VWF: variants seen among roughly 807,000 people sequenced by gnomAD.
VWF encodes Factor VIII related antigen.
Under a neutral mutation model 308.6 loss-of-function variants are expected in VWF, and 176 were observed. The ratio of observed to expected loss-of-function variants is 0.57; its 90% confidence interval spans 0.50 to 0.65. The LOEUF (loss-of-function observed/expected upper bound fraction) is 0.65. Among genes scored for constraint, VWF ranks in the 30% least tolerant of loss-of-function variants. The probability of loss-of-function intolerance (pLI) is 0.00; values close to 1 mark genes in which losing one functional copy is unlikely to be tolerated. For synonymous variants in VWF, 1,385 were observed against 1,443.4 expected, an observed-to-expected ratio of 0.96 and a Z score of 0.92; for missense variants, 3,146 against 3,648.2, an observed-to-expected ratio of 0.86 and a Z score of 3.55.
At position 6,052,726 on chromosome 12, in the gene VWF, GTCA is replaced by G; in HGVS notation, c.2000_2002del (p.Leu667_Thr668delinsPro). ...ATCCGGGTAAGAGAGAGAGCGGCAG[GTCA>G]GGTTGCAGGGGGTCCCGCACTGCAG... On this transcript the variant is annotated inframe_deletion, in exon 16 of 52. Coordinates refer to ENST00000261405, the MANE Select transcript of VWF (RefSeq NM_000552.5). The G allele has an allele frequency of 6.2e-7, 1 of 1,614,232 alleles. No homozygotes were observed. Among genetic ancestry groups the G allele is most frequent in the South Asian group, 1.1e-5 (1 of 91,090 alleles).
At chr12:5,985,154 A>ATTAG (rs1393366374) in intron 39 of VWF, 35 bp from the exon 40 acceptor site, 1 of 1,601,162 alleles carries the variant, frequency 6.2e-7, no homozygotes. Context: ...AGTCAGAGAA[A>ATTAG]TTAGTGGTGG....
intron 1 of VWF, among the ~76,000 whole-genome samples, chr12:6,123,523 C>T (rs1271250133): frequency 6.6e-6 from 1 of 152,178 alleles, no homozygotes; most frequent in Non-Finnish European, 1.5e-5. Context: ...CCTGAAGCAG[C>T]TGGGAGCTAA....
At chr12:5,995,288 T>C (rs1943796753) in intron 35 of VWF, among the ~76,000 whole-genome samples, 1 of 152,208 alleles carries the variant, frequency 6.6e-6, no homozygotes, top group African/African-American at 2.4e-5. Context: ...CATTCCACAA[T>C]GAATATAATT....
intron 18 of VWF, among the ~76,000 whole-genome samples, chr12:6,043,437 C>A (rs1944413724): frequency 6.6e-6 from 1 of 152,228 alleles, no homozygotes; most frequent in South Asian, 2.1e-4. Flanking sequence ...CTGGCCTCCA[C>A]AGCCTCTGCC....
intron 3 of VWF, among the ~76,000 whole-genome samples, chr12:6,120,203 T>A (rs1945414965): frequency 6.6e-6 from 1 of 152,202 alleles, no homozygotes; most frequent in Admixed American, 6.5e-5. Flanking sequence ...TGTCCAGGTG[T>A]TGCCAAAGAC....
At chr12:5,961,850 A>G (rs1164835091) in intron 47 of VWF, among the ~76,000 whole-genome samples, 3 of 151,940 alleles carry the variant, frequency 2.0e-5, no homozygotes, top group Non-Finnish European at 4.4e-5. Context: ...GTGTGTCCCT[A>G]CAAAATTCCT....
At chr12:6,039,433 C>T (rs1273497849) in intron 18 of VWF, among the ~76,000 whole-genome samples, 1 of 152,204 alleles carries the variant, frequency 6.6e-6, no homozygotes, top group Non-Finnish European at 1.5e-5. Context: ...TTTTACCTTC[C>T]AACTGCCTCT....
At chr12:6,036,056 T>C (rs1456640214) in intron 19 of VWF, among the ~76,000 whole-genome samples, 1 of 152,226 alleles carries the variant, frequency 6.6e-6, no homozygotes, top group African/African-American at 2.4e-5. Flanking sequence ...CATGTTTAGA[T>C]TTAGGTCCCA....
intron 5 of VWF, among the ~76,000 whole-genome samples, chr12:6,097,241 C>T (rs1196774100): frequency 6.6e-6 from 1 of 152,092 alleles, no homozygotes; most frequent in Non-Finnish European, 1.5e-5. Flanking sequence ...TCAAGACCAT[C>T]CTGGCCAAGA....
rs148144863 is a variant in VWF, at chr12:6,115,369, G to GGGAA, written c.221-4402_221-4401insTTCC. Among the ~76,000 whole-genome samples the GGGAA allele has an allele frequency of 8.4e-3, 1,284 of 152,220 alleles. 19 individuals are homozygous for GGGAA. Among genetic ancestry groups the GGGAA allele is most frequent in the African/African-American group, 0.028 (1,179 of 41,522 alleles). On this transcript the variant is annotated intron_variant, in intron 3 of 51. Transcript: ENST00000261405. The stretch of plus-strand genomic sequence containing the variant: ...ATGAGATTTTTCAAAGTGTGATCTA[G>GGGAA]GCCTATAATTCAGAAAAACATACTA...
At chr12:6,038,215 C>A (rs1176110585) in intron 18 of VWF, among the ~76,000 whole-genome samples, 1 of 152,232 alleles carries the variant, frequency 6.6e-6, no homozygotes, top group Non-Finnish European at 1.5e-5. Context: ...GTCCACATCG[C>A]CCCGTCCAGT....
In VWF at chr12:6,015,976, A is replaced by G. The variant is rs563101457; in HGVS notation, c.5455+113T>C. On this transcript the variant is annotated intron_variant, in intron 31 of 51. Coordinates refer to ENST00000261405, the MANE Select transcript of VWF (RefSeq NM_000552.5). ...GAAACCAGGACAGAGGTTGGTATTGAGCATATTTAATATCAGCCACAACAT... is the reference window on the plus strand; with the variant it reads ...GAAACCAGGACAGAGGTTGGTATTGGGCATATTTAATATCAGCCACAACAT... 1.8e-5 allele frequency: 25 copies of G among 1,370,814 alleles called. No individual in the cohort carries two copies. The African/African-American group carries it at 3.4e-4, about 19-fold the overall frequency. 84.9% of individuals were successfully genotyped at this position (1,370,814 alleles called of 1,614,324 possible). A position where few individuals can be genotyped will look rare whatever the true frequency, so the allele number is the denominator to read the frequency against.
intron 42 of VWF, among the ~76,000 whole-genome samples, chr12:5,980,762 G>C (rs1437190354): frequency 6.6e-6 from 1 of 151,930 alleles, no homozygotes; most frequent in Non-Finnish European, 1.5e-5. Context: ...ATAAAGATCT[G>C]TTCCAGCCCT....
intron 34 of VWF, among the ~76,000 whole-genome samples, chr12:5,996,750 CAAA>C (rs61616182): frequency 2.5e-4 from 15 of 60,476 alleles, no homozygotes; most frequent in African/African-American, 4.0e-4. Flanking sequence ...TTTCCAGAGC[CAAA>C]AAAAAAAAAA....
At chr12:6,018,109 T>C (rs1258013975) in intron 28 of VWF, among the ~76,000 whole-genome samples, 1 of 151,444 alleles carries the variant, frequency 6.6e-6, no homozygotes, top group African/African-American at 2.4e-5. Flanking sequence ...ATGTTAACAA[T>C]AGGCTTCCAT....
chr12:6,076,095 G>T (rs565825111), intron 6 of VWF, among the ~76,000 whole-genome samples: 1 of 152,192 alleles, frequency 6.6e-6, no homozygotes, highest in Admixed American at 6.5e-5. Context: ...ACACTCCCCA[G>T]GTGATTGCTG....
Position 5,978,803 on chromosome 12 carries a change from C to T in VWF, c.7288-2543G>A, listed in dbSNP as rs530104442. Among the ~76,000 whole-genome samples the T allele has an allele frequency of 2.0e-5, 3 of 152,310 alleles. No homozygotes were observed. In the East Asian group the frequency reaches 5.8e-4, roughly 29 times the overall value. ...AACCCAGAGCCATAAATATTCTTGGCACCCAGATCATACCGCCTAAATACC... is the reference window on the plus strand; with the variant it reads ...AACCCAGAGCCATAAATATTCTTGGTACCCAGATCATACCGCCTAAATACC... On this transcript the variant is annotated intron_variant, in intron 42 of 51. Transcript: ENST00000261405.
intron 6 of VWF, among the ~76,000 whole-genome samples, chr12:6,093,192 GGGTGTCGGGGCACAGCGTA>G (rs1227581677): frequency 2.2e-4 from 34 of 152,246 alleles, no homozygotes; most frequent in Admixed American, 7.8e-4. Flanking sequence ...GCTTTGTAGA[GGGTGTCGGGGCACAGCGTA>G]GGTGTCGGGG....
At position 6,063,049 on chromosome 12, in the gene VWF, G is replaced by C. The variant is rs1450413754; in HGVS notation, c.1438C>G (p.Leu480Val). The C allele has an allele frequency of 6.2e-7, 1 of 1,613,080 alleles. No homozygotes were observed. The highest frequency in any genetic ancestry group is 8.5e-7 in the Non-Finnish European group (1 of 1,179,950). ...DVQLPLLKGDLRIQHTVTASV... is the reference protein window; with the variant it reads ...DVQLPLLKGDVRIQHTVTASV... ...GCCGTCACTGTATGCTGGATGCGGA[G>C]GTCACCTGGAACCCAGCAGGACAGG... The change falls in exon 13 of 52, where the codon CTC becomes GTC. Residue 480 changes from leucine (L) to valine (V), a missense_variant. This residue lies in a region of VWF where 1,304 missense variants were observed against 1,353.0 expected (regional missense o/e 0.96). Coordinates refer to ENST00000261405, the MANE Select transcript of VWF (RefSeq NM_000552.5). This position sits in a 1 kb window ranked among gnomAD's most constrained non-coding sequence, Gnocchi z 4.9.
Sources: allele counts gnomAD v4.1 joint callset (sites outside exome capture counted in the v4.1 genomes callset), GRCh38; gene constraint gnomAD v4.1.1; regional missense constraint gnomAD v4.1.1; non-coding constraint Gnocchi (gnomAD v3.1); transcripts MANE v1.5; gene names NCBI Gene and HGNC (gene_info 2026-07-23, HGNC 2026-07-21).